The following AFG2A variants were observed in gnomAD, a reference collection of about 807,000 sequenced individuals.
The protein encoded by AFG2A is AAA ATPase AFG2A.
At chr4:123,007,395 T>C in the AFG2A span, among the ~76,000 whole-genome samples, 4 of 151,750 alleles carry the variant, frequency 2.6e-5, no homozygotes, top group Non-Finnish European at 5.9e-5. Context: ...GTGTGTTTTC[T>C]TCACGTGTGA....
the AFG2A span, among the ~76,000 whole-genome samples, chr4:123,073,499 C>T: frequency 0.042 from 6,364 of 151,994 alleles, 432 homozygotes; most frequent in African/African-American, 0.14. Context: ...GGTATTTATG[C>T]GGTGAAAATG....
the AFG2A span, among the ~76,000 whole-genome samples, chr4:123,208,638 A>G: frequency 6.6e-6 from 1 of 152,214 alleles, no homozygotes; most frequent in Admixed American, 6.5e-5. Context: ...TTCCAAAGCT[A>G]ACCATCAATG....
chr4:123,108,154 A>T, the AFG2A span, among the ~76,000 whole-genome samples: 512 of 152,324 alleles, frequency 3.4e-3, 1 homozygote, highest in African/African-American at 0.012. Flanking sequence ...CGCGCTCCAG[A>T]CGGGCCGCTG....
the AFG2A span, among the ~76,000 whole-genome samples, chr4:123,004,383 A>G: frequency 6.6e-6 from 1 of 152,160 alleles, no homozygotes; most frequent in Non-Finnish European, 1.5e-5. Flanking sequence ...AAATGCAGAA[A>G]TCCCTCATCT....
At chr4:123,214,970 A>G in the AFG2A span, among the ~76,000 whole-genome samples, 1 of 151,894 alleles carries the variant, frequency 6.6e-6, no homozygotes, top group South Asian at 2.1e-4. Flanking sequence ...GTTAAAGGAG[A>G]ATTTTTGATG....
chr4:122,956,232 G>GA, the AFG2A span, among the ~76,000 whole-genome samples: 2 of 152,126 alleles, frequency 1.3e-5, no homozygotes, highest in Non-Finnish European at 2.9e-5. Context: ...TGGTTAAATA[G>GA]AAAAAATGAC....
chr4:122,986,767 A>T, the AFG2A span, among the ~76,000 whole-genome samples: 2 of 152,168 alleles, frequency 1.3e-5, no homozygotes, highest in Non-Finnish European at 2.9e-5. Flanking sequence ...ACTAATAATT[A>T]AAAAAAGAGA....
chr4:123,293,130 G>A, the AFG2A span, among the ~76,000 whole-genome samples: 1 of 152,130 alleles, frequency 6.6e-6, no homozygotes, highest in Non-Finnish European at 1.5e-5. Context: ...ATGTAGAGAG[G>A]GATTGTGAAC....
At chr4:123,126,948 C>T in the AFG2A span, among the ~76,000 whole-genome samples, 25 of 152,130 alleles carry the variant, frequency 1.6e-4, no homozygotes, top group Admixed American at 1.6e-3. Flanking sequence ...TGGCCAAGTG[C>T]AGTGGCCCAC....
At chr4:122,971,733 A>G in the AFG2A span, among the ~76,000 whole-genome samples, 1 of 152,128 alleles carries the variant, frequency 6.6e-6, no homozygotes, top group African/African-American at 2.4e-5. Flanking sequence ...TAGCTTTTAA[A>G]AAAATATAAT....
the AFG2A span, among the ~76,000 whole-genome samples, chr4:123,150,982 G>A: frequency 6.6e-6 from 1 of 152,278 alleles, no homozygotes; most frequent in East Asian, 1.9e-4. Flanking sequence ...ACAATCACCT[G>A]ATCTTTGACA....
chr4:123,105,142 G>A, the AFG2A span, among the ~76,000 whole-genome samples: 7 of 152,150 alleles, frequency 4.6e-5, no homozygotes, highest in African/African-American at 1.4e-4. Flanking sequence ...TGGTGACTAC[G>A]TGGAAGCCAG....
the AFG2A span, among the ~76,000 whole-genome samples, chr4:123,016,775 G>C: frequency 6.6e-6 from 1 of 152,138 alleles, no homozygotes; most frequent in Non-Finnish European, 1.5e-5. Flanking sequence ...GCAGGCGGCT[G>C]GGAGGTGGAG....
At chr4:122,974,354 A>C in the AFG2A span, among the ~76,000 whole-genome samples, 3 of 152,172 alleles carry the variant, frequency 2.0e-5, no homozygotes, top group Non-Finnish European at 2.9e-5. Flanking sequence ...CCAAATTAGA[A>C]ATATTGGCAA....
At chr4:123,300,036 G>T in the AFG2A span, among the ~76,000 whole-genome samples, 1 of 152,064 alleles carries the variant, frequency 6.6e-6, no homozygotes, top group East Asian at 1.9e-4. Flanking sequence ...TTTAGTGTAG[G>T]CTTAACAAGC....
the AFG2A span, chr4:122,928,969 T>G: frequency 6.5e-7 from 1 of 1,543,580 alleles, no homozygotes; most frequent in Non-Finnish European, 8.7e-7. Context: ...GTGCTTAGCA[T>G]TCTACCTTAT....
the AFG2A span, among the ~76,000 whole-genome samples, chr4:123,304,312 G>A: frequency 6.6e-6 from 1 of 152,116 alleles, no homozygotes; most frequent in African/African-American, 2.4e-5. Context: ...CCCTCCCCCT[G>A]CATCCACATG....
chr4:122,941,274 G>T, the AFG2A span, among the ~76,000 whole-genome samples: 18 of 151,650 alleles, frequency 1.2e-4, no homozygotes, highest in Admixed American at 1.1e-3. Flanking sequence ...AGCATGGAAT[G>T]TTCTTCCATT....
At chr4:122,925,298 T>G in the AFG2A span, among the ~76,000 whole-genome samples, 4 of 152,224 alleles carry the variant, frequency 2.6e-5, no homozygotes, top group African/African-American at 7.2e-5. Context: ...TTTGACTGAT[T>G]TTCCAGCTTC....
Sources: allele counts gnomAD v4.1 joint callset (sites outside exome capture counted in the v4.1 genomes callset), GRCh38; gene constraint gnomAD v4.1.1; transcripts MANE v1.5; gene names NCBI Gene and HGNC (gene_info 2026-07-23, HGNC 2026-07-21).